BORA: variants seen among roughly 807,000 people sequenced by gnomAD.
BORA encodes BORA aurora kinase A activator, also known as protein aurora borealis.
In BORA, 26 loss-of-function variants were observed where a neutral mutation model predicts 55.8. The ratio of observed to expected loss-of-function variants is 0.47; its 90% CI spans 0.34 to 0.65. BORA has a LOEUF of 0.65. BORA is among the 30% of genes least tolerant of loss of function. The pLI, the probability that BORA is intolerant of heterozygous loss-of-function variation, is 0.01. For missense variants in BORA, 568 were observed against 671.5 expected (o/e 0.85, Z 1.70); for synonymous variants, 201 against 216.9 (o/e 0.93, Z 0.64).
Position 72,746,620 on chromosome 13 carries a change from TCTC to T in BORA, c.994_996del (p.Pro332del), listed in dbSNP as rs776652238. The T allele has an allele frequency of 1.2e-6, 2 of 1,614,138 alleles. No individual in the cohort carries two copies. The highest frequency in any genetic ancestry group is 2.2e-5 in the South Asian group (2 of 91,082). On this transcript the variant is annotated inframe_deletion, in exon 10 of 12. Coordinates refer to ENST00000390667, the MANE Select transcript of BORA (RefSeq NM_024808.5). ...TGGCTGCTCGCCAATTAAAAATTGG[TCTC>T]CTATGAGACTTCAGATGTATAGTGG...
chr13:72,734,171 A>G (rs1593806669), intron 3 of BORA, among the ~76,000 whole-genome samples: 1 of 152,188 alleles, frequency 6.6e-6, no homozygotes, highest in African/African-American at 2.4e-5. Context: ...TGTAACCTGC[A>G]TTTGTACCCC....
Position 72,746,813 on chromosome 13 carries a change from A to C in BORA, c.1184A>C (p.His395Pro), listed in dbSNP as rs779471314. 2.5e-6 allele frequency: 4 copies of C among 1,614,204 alleles called. No individual in the cohort carries two copies. The South Asian group carries it at 4.4e-5, about 18-fold the overall frequency. The change falls in exon 10 of 12, where the codon CAT (histidine) becomes CCT (proline). Residue 395 changes from histidine to proline, a missense_variant. Physicochemically the swap from His to Pro is moderately conservative, Grantham distance 77 (BLOSUM62 -2). Coordinates refer to ENST00000390667, the MANE Select transcript of BORA (RefSeq NM_024808.5). ...LRQFSNEAST[H>P]GTHLVVTAMS... The stretch of plus-strand genomic sequence containing the variant: ...CAGTTTAGTAATGAGGCTTCTACCC[A>C]TGGTACACATTTGGTTGTGACTGCC...
intron 5 of BORA, among the ~76,000 whole-genome samples, chr13:72,742,740 C>A (rs1380168341): frequency 5.4e-5 from 8 of 149,090 alleles, no homozygotes; most frequent in Non-Finnish European, 1.2e-4. Flanking sequence ...GATGAATGGA[C>A]TTTTTAAAAT....
chr13:72,734,988 CA>C lies in BORA; in HGVS notation c.294del (p.Ala99ProfsTer35). 6.3e-7 allele frequency: 1 copy of C among 1,588,936 alleles called. No individual in the cohort carries two copies. Among genetic ancestry groups the C allele is most frequent in the Non-Finnish European group, 8.6e-7 (1 of 1,158,924 alleles). ...AGATAAAGATGTGGAAGACAAAAGA[CA>C]AAAAGCCATTGAAGAGGTAACTTAA... The part of the protein sequence containing the change: ...RIDKDVEDKR[Q>X]KAIEEFFTKD... On this transcript the variant is annotated frameshift_variant, in exon 4 of 12. Coordinates refer to ENST00000390667, the MANE Select transcript of BORA (RefSeq NM_024808.5). LOFTEE classifies it high-confidence loss of function.
chr13:72,754,334 C>G (rs2033382597), intron 11 of BORA: 1 of 148,772 alleles, frequency 6.7e-6, no homozygotes, highest in Non-Finnish European at 1.4e-5. Flanking sequence ...TTTTTTGAGA[C>G]AGGGTCTTAC....
Position 72,745,241 on chromosome 13 carries a change from T to C in BORA, c.738+34T>C, listed in dbSNP as rs745337854. 8.3e-6 allele frequency: 13 copies of C among 1,558,242 alleles called. No individual in the cohort carries two copies. The South Asian group carries it at 1.2e-4, about 15-fold the overall frequency. On this transcript the variant is annotated intron_variant, in intron 8 of 11. Coordinates refer to ENST00000390667, the MANE Select transcript of BORA (RefSeq NM_024808.5). ...TATACTAAAAAGCAGTTGGCTAATA[T>C]GCTGTCAAGCTTGAACCCACATTTT...
chr13:72,743,628 A>G, intron 6 of BORA, 26 bp downstream of exon 6: 2 of 1,568,704 alleles, frequency 1.3e-6, no homozygotes, highest in South Asian at 2.3e-5. Flanking sequence ...ATTTGAAAAG[A>G]AGGATGTTCC....
intron 3 of BORA, among the ~76,000 whole-genome samples, chr13:72,731,676 T>G (rs1271404742): frequency 6.6e-6 from 1 of 152,256 alleles, no homozygotes; most frequent in Non-Finnish European, 1.5e-5. Context: ...AAGAACATTT[T>G]GAAATTTGCA....
At chr13:72,738,116 C>T in intron 5 of BORA, 73 bp downstream of exon 5, 2 of 1,006,520 alleles carry the variant, frequency 2.0e-6, no homozygotes, top group South Asian at 1.5e-5. Context: ...TCATGAAGTG[C>T]CAGTATATCT....
At chr13:72,732,953 C>A (rs2032849981) in intron 3 of BORA, among the ~76,000 whole-genome samples, 1 of 152,026 alleles carries the variant, frequency 6.6e-6, no homozygotes, top group Non-Finnish European at 1.5e-5. Context: ...ATAATTAGAC[C>A]AAAGTTGTAA....
In BORA at chr13:72,746,582, GT is replaced by G; in HGVS notation, c.954del (p.Pro319LeufsTer3). On this transcript the variant is annotated frameshift_variant, in exon 10 of 12. Coordinates refer to ENST00000390667, the MANE Select transcript of BORA (RefSeq NM_024808.5). LOFTEE classifies it high-confidence loss of function. The part of the protein sequence containing the change: ...SNGITNPCIR[S>X]PYIDGCSPIK... Reference sequence around the variant, plus strand: ...GGGATAACTAATCCGTGTATCAGAAGTCCTTATATAGATGGCTGCTCGCCAA... The same window carrying G: ...GGGATAACTAATCCGTGTATCAGAAGCCTTATATAGATGGCTGCTCGCCAA... 6.2e-7 allele frequency: 1 copy of G among 1,614,046 alleles called. No individual in the cohort carries two copies.
intron 1 of BORA, 192 bp downstream of exon 1, chr13:72,728,199 A>G (rs1417618781): frequency 1.3e-6 from 1 of 787,042 alleles, no homozygotes. Context: ...CACTCCATCC[A>G]GGGAAGCCGG....
chr13:72,748,535 C>T (rs1327109227), intron 10 of BORA, among the ~76,000 whole-genome samples: 1 of 152,136 alleles, frequency 6.6e-6, no homozygotes. Context: ...TAGTATTTTG[C>T]TCATATTTTT....
chr13:72,736,728 G>T (rs1364521427), intron 4 of BORA, among the ~76,000 whole-genome samples: 1 of 151,804 alleles, frequency 6.6e-6, no homozygotes, highest in Admixed American at 6.6e-5. Context: ...AGTTTTGGTA[G>T]ATTTTACCAT....
chr13:72,751,436 C>T (rs1358051972), intron 10 of BORA, among the ~76,000 whole-genome samples: 1 of 152,080 alleles, frequency 6.6e-6, no homozygotes, highest in Admixed American at 6.6e-5. Context: ...ATAATGAAGT[C>T]CTTACATTTG....
chr13:72,741,617 T>G (rs1470573221), intron 5 of BORA, among the ~76,000 whole-genome samples: 4 of 152,198 alleles, frequency 2.6e-5, no homozygotes, highest in Non-Finnish European at 4.4e-5. Context: ...TGCAGTCAAA[T>G]CCATCGATTT....
chr13:72,739,820 C>T (rs956086367), intron 5 of BORA, among the ~76,000 whole-genome samples: 1 of 152,070 alleles, frequency 6.6e-6, no homozygotes, highest in Non-Finnish European at 1.5e-5. Flanking sequence ...ACACAGCATA[C>T]CTGAACACCA....
In BORA at chr13:72,731,372, A is replaced by G; in HGVS notation, c.245A>G (p.Tyr82Cys). 6.2e-7 allele frequency: 1 copy of G among 1,607,624 alleles called. No individual in the cohort carries two copies. Among genetic ancestry groups the G allele is most frequent in the Non-Finnish European group, 8.5e-7 (1 of 1,175,088 alleles). ...GAAGATATTCATCGTCAAGCTTTATACTTAAGTCATTCTCGGTAAGTTTTC... is the reference window on the plus strand; with the variant it reads ...GAAGATATTCATCGTCAAGCTTTATGCTTAAGTCATTCTCGGTAAGTTTTC... ...DPEDIHRQAL[Y>C]LSHSRIDKDV... The change falls in exon 3 of 12, where the codon TAC becomes TGC. Residue 82 changes from tyrosine to cysteine, a missense_variant. Transcript: ENST00000390667.
chr13:72,729,751 T>C (rs1428453251), intron 2 of BORA, among the ~76,000 whole-genome samples: 1 of 152,210 alleles, frequency 6.6e-6, no homozygotes, highest in Non-Finnish European at 1.5e-5. Context: ...TATTTTTTTG[T>C]TTGTTTTCCC....
Sources: allele counts gnomAD v4.1 joint callset (sites outside exome capture counted in the v4.1 genomes callset), GRCh38; gene constraint gnomAD v4.1.1; transcripts MANE v1.5; gene names NCBI Gene and HGNC (gene_info 2026-07-23, HGNC 2026-07-21).